TCF7L1: variants seen among roughly 807,000 people sequenced by gnomAD.
TCF7L1 encodes the protein transcription factor 7-like 1.
A neutral mutation model predicts 63.7 loss-of-function variants in TCF7L1; 18 were observed. That is an observed-to-expected ratio of 0.28 (90% CI 0.20 to 0.42). TCF7L1 has a LOEUF of 0.42. Ranked by LOEUF, TCF7L1 falls within the 10% of genes least tolerant of loss-of-function variation. The probability of loss-of-function intolerance (pLI) is 1.00; values close to 1 mark genes in which losing one functional copy is unlikely to be tolerated. For synonymous variants in TCF7L1, 355 were observed against 340.9 expected (o/e 1.04, Z -0.46); for missense variants, 654 against 779.3 (o/e 0.84, Z 1.91).
chr2:85,189,579 C>G lies in TCF7L1; in HGVS notation c.441+55129C>G, dbSNP rs368275581. On this transcript the variant is annotated intron_variant, in intron 3 of 11. Transcript: ENST00000282111. ...CAGGGGTGGGGGTAGGGGTGCTGTA[C>G]AGTTGGCGGCCAGAGGATGCCATTG... is the stretch of plus-strand genomic sequence containing the variant. 6.9e-4 allele frequency among the ~76,000 whole-genome samples: 105 copies of G among 152,348 alleles called. 2 individuals are homozygous for G. The South Asian group carries it at 0.022, about 31-fold the overall frequency.
chr2:85,282,330 G>A (rs1221534429), intron 3 of TCF7L1, among the ~76,000 whole-genome samples: 1 of 152,162 alleles, frequency 6.6e-6, no homozygotes, highest in Non-Finnish European at 1.5e-5. Flanking sequence ...ACCACTTTCC[G>A]TTACAGCTTT....
intron 3 of TCF7L1, among the ~76,000 whole-genome samples, chr2:85,142,835 C>A (rs1282623256): frequency 6.6e-6 from 1 of 152,208 alleles, no homozygotes; most frequent in African/African-American, 2.4e-5. Flanking sequence ...CCCCAGGACA[C>A]TTCTATAGTT....
At chr2:85,291,297 A>G (rs1306236285) in intron 4 of TCF7L1, among the ~76,000 whole-genome samples, 1 of 152,242 alleles carries the variant, frequency 6.6e-6, no homozygotes, top group East Asian at 1.9e-4. Flanking sequence ...TACAAGCAGT[A>G]AGGAGAAACC....
At chr2:85,252,963 C>G (rs1160151797) in intron 3 of TCF7L1, among the ~76,000 whole-genome samples, 1 of 152,184 alleles carries the variant, frequency 6.6e-6, no homozygotes, top group Non-Finnish European at 1.5e-5. Context: ...ATTTTAGGCC[C>G]TTTCTCAGAC....
intron 3 of TCF7L1, among the ~76,000 whole-genome samples, chr2:85,171,490 C>T (rs1451511939): frequency 1.3e-5 from 2 of 152,224 alleles, no homozygotes; most frequent in East Asian, 3.8e-4. Flanking sequence ...GTGGTGTGTA[C>T]TGCTACTCAC....
intron 3 of TCF7L1, among the ~76,000 whole-genome samples, chr2:85,275,694 A>C (rs1459323809): frequency 6.6e-6 from 1 of 152,110 alleles, no homozygotes; most frequent in Non-Finnish European, 1.5e-5. Flanking sequence ...GAAGGCGGGC[A>C]GATCACTTGA....
chr2:85,174,183 C>T (rs1372879793), intron 3 of TCF7L1, among the ~76,000 whole-genome samples: 1 of 152,088 alleles, frequency 6.6e-6, no homozygotes, highest in Non-Finnish European at 1.5e-5. Context: ...TGGCAGCCAC[C>T]GGCCTTCTTT....
intron 4 of TCF7L1, among the ~76,000 whole-genome samples, chr2:85,294,419 G>A (rs1681800243): frequency 6.6e-6 from 1 of 152,110 alleles, no homozygotes; most frequent in Admixed American, 6.6e-5. Context: ...AGTGGGTCGC[G>A]GTAGGTCGAG....
At chr2:85,241,904 A>G (rs201248591) in intron 3 of TCF7L1, among the ~76,000 whole-genome samples, 2 of 150,812 alleles carry the variant, frequency 1.3e-5, no homozygotes, top group East Asian at 3.9e-4. Context: ...CTCTATTTGT[A>G]TTTCCTTAGG....
intron 3 of TCF7L1, among the ~76,000 whole-genome samples, chr2:85,189,926 G>T (rs545435207): frequency 1.3e-5 from 2 of 152,226 alleles, no homozygotes; most frequent in African/African-American, 4.8e-5. Context: ...GCCACTTGGG[G>T]TTCATTCATT....
At chr2:85,251,941 G>T (rs903675340) in intron 3 of TCF7L1, among the ~76,000 whole-genome samples, 2 of 152,172 alleles carry the variant, frequency 1.3e-5, no homozygotes, top group Non-Finnish European at 2.9e-5. Context: ...CAGGCGTGGT[G>T]GCACGTACCT....
chr2:85,200,406 T>C (rs1053341847), intron 3 of TCF7L1, among the ~76,000 whole-genome samples: 3 of 152,218 alleles, frequency 2.0e-5, no homozygotes, highest in African/African-American at 4.8e-5. Flanking sequence ...ATATGTATTA[T>C]ATACTGTATT....
At chr2:85,218,043 G>A (rs756989986) in intron 3 of TCF7L1, among the ~76,000 whole-genome samples, 56 of 151,866 alleles carry the variant, frequency 3.7e-4, no homozygotes, top group African/African-American at 9.0e-4. Context: ...CTCTTCTCCC[G>A]TGCCTAGAAG....
At chr2:85,136,910 G>A (rs1253202192) in intron 3 of TCF7L1, among the ~76,000 whole-genome samples, 1 of 152,138 alleles carries the variant, frequency 6.6e-6, no homozygotes, top group African/African-American at 2.4e-5. Flanking sequence ...CAAATGGTAG[G>A]TACAGACAAA....
intron 3 of TCF7L1, among the ~76,000 whole-genome samples, chr2:85,250,584 C>T (rs1052722762): frequency 3.9e-5 from 6 of 152,128 alleles, no homozygotes; most frequent in Middle Eastern, 3.4e-3. Context: ...TTACAGGCGC[C>T]GGCCACCACG....
At chr2:85,224,111 C>T (rs1679904765) in intron 3 of TCF7L1, among the ~76,000 whole-genome samples, 1 of 152,210 alleles carries the variant, frequency 6.6e-6, no homozygotes, top group Admixed American at 6.5e-5. Context: ...TGCCAAAGGA[C>T]ATGAAATCAT....
intron 3 of TCF7L1, among the ~76,000 whole-genome samples, chr2:85,214,008 G>C (rs1330105290): frequency 2.0e-5 from 3 of 152,158 alleles, no homozygotes; most frequent in Admixed American, 6.5e-5. Context: ...TCTCACCCCG[G>C]AACGCCCCTG....
At chr2:85,229,020 CAAAAAAA>C (rs1182542916) in intron 3 of TCF7L1, among the ~76,000 whole-genome samples, 1 of 57,376 alleles carries the variant, frequency 1.7e-5, no homozygotes, top group African/African-American at 5.4e-5. Flanking sequence ...GACTCTGTCT[CAAAAAAA>C]AAAAAAAAAA....
intron 3 of TCF7L1, among the ~76,000 whole-genome samples, chr2:85,260,065 T>C (rs1030957892): frequency 1.3e-5 from 2 of 152,306 alleles, no homozygotes; most frequent in Admixed American, 6.5e-5. Context: ...TTTCCAGGAC[T>C]GCAAATTGCA....
Sources: allele counts gnomAD v4.1 joint callset (sites outside exome capture counted in the v4.1 genomes callset), GRCh38; gene constraint gnomAD v4.1.1; transcripts MANE v1.5; gene names NCBI Gene and HGNC (gene_info 2026-07-23, HGNC 2026-07-21).